EGF: variants seen among roughly 807,000 people sequenced by gnomAD.
EGF encodes the protein pro-epidermal growth factor.
EGF carries 95 observed loss-of-function variants against 143.8 expected under a neutral mutation model. That is an observed-to-expected ratio of 0.66 (90% CI 0.56 to 0.78). The LOEUF (loss-of-function observed/expected upper bound fraction) is 0.78, where lower values mean the gene tolerates loss of function less well. EGF is among the 30% of genes least tolerant of loss of function. EGF has a pLI of 0.00. For synonymous variants in EGF, 510 were observed against 510.5 expected (o/e 1.00, Z 0.01); for missense variants, 1,320 against 1,470.9 (o/e 0.90, Z 1.68).
At position 109,932,366 on chromosome 4, in the gene EGF, T is replaced by C. The variant is rs899475554; in HGVS notation, c.128-8580T>C. Among the ~76,000 whole-genome samples, 88 of 128,408 alleles carry C rather than the reference T, an allele frequency of 6.9e-4. 6 individuals are homozygous for C. The highest frequency in any genetic ancestry group is 8.2e-3 in the Middle Eastern group (2 of 244). 84.2% of individuals were successfully genotyped at this position (128,408 alleles called of 152,430 possible). A position where few individuals can be genotyped will look rare whatever the true frequency, so the allele number is the denominator to read the frequency against. On this transcript the variant is annotated intron_variant, in intron 1 of 23. Transcript: ENST00000265171. ...TGAAAACCTCCCATTTAGTCATATA[T>C]ATATATATATAAATTTTTTTTTTTT...
At chr4:109,916,721 C>T (rs1376840627) in intron 1 of EGF, among the ~76,000 whole-genome samples, 1 of 149,024 alleles carries the variant, frequency 6.7e-6, no homozygotes, top group East Asian at 2.0e-4. Flanking sequence ...ACAATAAACA[C>T]TCGATAAGCC....
At chr4:110,010,522 C>G (rs1753858618) in intron 23 of EGF, among the ~76,000 whole-genome samples, 1 of 152,176 alleles carries the variant, frequency 6.6e-6, no homozygotes, top group Admixed American at 6.5e-5. Flanking sequence ...TTGGTCATGG[C>G]TCATTGCTGT....
Position 109,974,701 on chromosome 4 carries a change from A to G in EGF, c.1725-2A>G, listed in dbSNP as rs765478256. 3 of 1,608,364 alleles carry G rather than the reference A, an allele frequency of 1.9e-6. No individual in the cohort carries two copies. The highest frequency in any genetic ancestry group is 2.2e-5 in the South Asian group (2 of 90,954). On this transcript the variant is annotated splice_acceptor_variant, in intron 11 of 23. Coordinates refer to ENST00000265171, the MANE Select transcript of EGF (RefSeq NM_001963.6). LOFTEE classifies it high-confidence loss of function. ...AACTCCCTTATTTTGCACATATTTT[A>G]GGAAATCTCTGATTGGAAGGAGTGA...
chr4:109,935,626 T>C (rs1040189357), intron 1 of EGF, among the ~76,000 whole-genome samples: 1 of 152,218 alleles, frequency 6.6e-6, no homozygotes, highest in Non-Finnish European at 1.5e-5. Context: ...ATCCTTGTCT[T>C]ATACCAGTGT....
At chr4:109,969,725 T>C (rs1399231160) in intron 11 of EGF, among the ~76,000 whole-genome samples, 1 of 152,172 alleles carries the variant, frequency 6.6e-6, no homozygotes, top group Non-Finnish European at 1.5e-5. Flanking sequence ...TAAGACTTTC[T>C]CCGAAGTCAC....
At chr4:109,975,727 A>G (rs2126102806) in intron 12 of EGF, among the ~76,000 whole-genome samples, 1 of 152,318 alleles carries the variant, frequency 6.6e-6, no homozygotes, top group African/African-American at 2.4e-5. Flanking sequence ...ACTCATGACT[A>G]TTTTATTAGT....
chr4:110,009,106 G>A (rs1753687650), intron 23 of EGF, among the ~76,000 whole-genome samples: 1 of 151,944 alleles, frequency 6.6e-6, no homozygotes, highest in African/African-American at 2.4e-5. Flanking sequence ...TTCTTGTTTT[G>A]GAAAACTCAC....
intron 23 of EGF, among the ~76,000 whole-genome samples, chr4:110,008,681 G>C (rs1198439439): frequency 6.6e-6 from 1 of 152,192 alleles, no homozygotes; most frequent in Non-Finnish European, 1.5e-5. Flanking sequence ...GGGGATTTCA[G>C]AGTATTCAGG....
At chr4:109,991,586 G>A (rs1024980897) in intron 18 of EGF, among the ~76,000 whole-genome samples, 1 of 152,180 alleles carries the variant, frequency 6.6e-6, no homozygotes, top group African/African-American at 2.4e-5. Context: ...ATGTTAGGGT[G>A]GCAGTAGCTG....
At position 109,913,384 on chromosome 4, in the gene EGF, T is replaced by C; in HGVS notation, c.49T>C (p.Phe17Leu). 1.2e-6 allele frequency: 2 copies of C among 1,613,998 alleles called. No homozygotes were observed. The highest frequency in any genetic ancestry group is 1.7e-6 in the Non-Finnish European group (2 of 1,179,926). Reference protein sequence around the residue: ...ILLPVVSKFSFVSLSAPQHWS... With the variant: ...ILLPVVSKFSLVSLSAPQHWS... ...GTTGCCAGTAGTTTCAAAATTTAGT[T>C]TTGTTAGTCTCTCAGCACCGCAGCA... The change falls in exon 1 of 24, where the codon TTT becomes CTT. Residue 17 changes from phenylalanine to leucine, a missense_variant. Transcript: ENST00000265171.
chr4:109,964,424 G>T lies in EGF; in HGVS notation c.1462G>T (p.Ala488Ser). 6.2e-7 allele frequency: 1 copy of T among 1,613,862 alleles called. No homozygotes were observed. Among genetic ancestry groups the T allele is most frequent in the Non-Finnish European group, 8.5e-7 (1 of 1,179,854 alleles). ...ASGPQPFLLFANSQDIRHMHF... is the reference protein window; with the variant it reads ...ASGPQPFLLFSNSQDIRHMHF... The stretch of plus-strand genomic sequence containing the variant: ...AGGACCACAACCATTTTTGCTGTTT[G>T]CCAATTCTCAAGATATTCGACACAT... The change falls in exon 10 of 24, where the codon GCC (alanine) becomes TCC (serine). Residue 488 changes from alanine to serine, a missense_variant. Transcript: ENST00000265171.
At chr4:109,989,673 A>G (rs980973318) in intron 18 of EGF, among the ~76,000 whole-genome samples, 2 of 152,204 alleles carry the variant, frequency 1.3e-5, no homozygotes, top group African/African-American at 4.8e-5. Context: ...TGCTCTAATT[A>G]AGCAGGCCCA....
At chr4:109,973,000 T>C (rs901138211) in intron 11 of EGF, among the ~76,000 whole-genome samples, 1 of 152,232 alleles carries the variant, frequency 6.6e-6, no homozygotes, top group Non-Finnish European at 1.5e-5. Flanking sequence ...CAGATGTTTA[T>C]TGAATGAATT....
rs11569084 is a variant in EGF at position 109,994,297 on chromosome 4, C to T, written c.2858-436C>T. On this transcript the variant is annotated intron_variant, in intron 19 of 23. Coordinates refer to ENST00000265171, the MANE Select transcript of EGF (RefSeq NM_001963.6). ...AGAAAGCACTGTGAGAAAAAATTTT[C>T]GAGACTCCAGGATATTGGAGGTAAC... Among the ~76,000 whole-genome samples the T allele has an allele frequency of 8.9e-3, 1,351 of 152,198 alleles. 14 individuals carry two copies. Among genetic ancestry groups the T allele is most frequent in the Non-Finnish European group, 0.011 (757 of 68,002 alleles).
intron 3 of EGF, 21 bp downstream of exon 3, chr4:109,943,456 A>T (rs1048316110): frequency 1.3e-5 from 21 of 1,604,468 alleles, no homozygotes; most frequent in Non-Finnish European, 1.8e-5. Context: ...CTGTATTCAG[A>T]CATTGAAATA....
intron 21 of EGF, among the ~76,000 whole-genome samples, chr4:110,001,443 C>A (rs947219019): frequency 2.0e-5 from 3 of 152,042 alleles, no homozygotes; most frequent in African/African-American, 7.2e-5. Context: ...AATTTTTAGC[C>A]TGGTGTGTAA....
Position 109,999,817 on chromosome 4 carries a change from C to T in EGF, c.3144C>T (p.Leu1048=). Residue 1048 remains leucine (L), a synonymous_variant, in exon 21 of 24, where the codon CTC becomes CTT. Transcript: ENST00000265171. The part of the protein sequence containing the change: ...VCVVVLVMLL[L]LSLWGAHYYR... Reference sequence around the variant, plus strand: ...TGGTGGTGCTTGTCATGCTGCTCCTCCTGAGCCTGTGGGGGGCCCACTACT... The same window carrying T: ...TGGTGGTGCTTGTCATGCTGCTCCTTCTGAGCCTGTGGGGGGCCCACTACT... 6.2e-7 allele frequency: 1 copy of T among 1,613,766 alleles called. No homozygotes were observed. The highest frequency in any genetic ancestry group is 1.3e-5 in the African/African-American group (1 of 75,054).
intron 10 of EGF, 34 bp from the exon 11 acceptor site, chr4:109,968,937 A>G (rs749592825): frequency 6.2e-7 from 1 of 1,613,968 alleles, no homozygotes; most frequent in Non-Finnish European, 8.5e-7. Context: ...TAGTTTTAAA[A>G]AAAAATCAGA....
chr4:109,964,188 G>A (rs552963245), intron 9 of EGF, among the ~76,000 whole-genome samples: 2 of 152,272 alleles, frequency 1.3e-5, no homozygotes, highest in South Asian at 4.1e-4. Context: ...CCTGGAGAGG[G>A]AAGAAACCAG....
Sources: gnomAD v4.1 joint callset for allele counts (sites outside exome capture counted in the v4.1 genomes callset) on GRCh38, gnomAD v4.1.1 for gene constraint, MANE v1.5 for transcripts, NCBI Gene and HGNC (gene_info 2026-07-23, HGNC 2026-07-21) for gene names.